Variants in FRMD4A observed in about 807,000 individuals in gnomAD.
FRMD4A encodes FERM domain-containing protein 4A.
Under a neutral mutation model 129.1 loss-of-function variants are expected in FRMD4A, and 29 were observed. That is an observed-to-expected ratio of 0.22 (90% confidence interval 0.17 to 0.31). The LOEUF (loss-of-function observed/expected upper bound fraction) is 0.31, where lower values mean the gene tolerates loss of function less well. Ranked by LOEUF, FRMD4A falls within the 10% of genes least tolerant of loss-of-function variation. The pLI, the probability that FRMD4A is intolerant of heterozygous loss-of-function variation, is 1.00. For missense variants in FRMD4A, 1,272 were observed against 1,375.8 expected, an observed-to-expected ratio of 0.92 and a Z score of 1.19; for synonymous variants, 634 against 571.6, an observed-to-expected ratio of 1.11 and a Z score of -1.56.
At chr10:14,123,422 C>T (rs1333460361) in intron 2 of FRMD4A, among the ~76,000 whole-genome samples, 1 of 152,148 alleles carries the variant, frequency 6.6e-6, no homozygotes, top group Non-Finnish European at 1.5e-5. Context: ...GCCAGCTGGG[C>T]AAGAGATAGC....
chr10:13,907,895 G>T (rs1253592974), intron 2 of FRMD4A, among the ~76,000 whole-genome samples: 1 of 150,014 alleles, frequency 6.7e-6, no homozygotes, highest in Non-Finnish European at 1.5e-5. Flanking sequence ...GCCGGGTGCA[G>T]TGGCTCACAC....
intron 2 of FRMD4A, among the ~76,000 whole-genome samples, chr10:14,028,819 T>C (rs1292552827): frequency 6.6e-6 from 1 of 152,242 alleles, no homozygotes; most frequent in Admixed American, 6.5e-5. Context: ...AGGGCAGTGA[T>C]GGATCCTAGG....
intron 2 of FRMD4A, among the ~76,000 whole-genome samples, chr10:14,094,506 C>G (rs980951707): frequency 6.6e-6 from 1 of 152,160 alleles, no homozygotes; most frequent in Admixed American, 6.5e-5. Flanking sequence ...TCCTTTCAAA[C>G]GCAGAGCAGC....
At chr10:13,881,993 GTGTGTGTGTGTGTGTGTGTGTGT>G (rs778765819) in intron 2 of FRMD4A, among the ~76,000 whole-genome samples, 42,735 of 146,004 alleles carry the variant, frequency 0.29, 7,063 homozygotes, top group Non-Finnish European at 0.36. Flanking sequence ...AGGCAAGGGT[GTGTGTGTGTGTGTGTGTGTGTGT>G]GTGTGTGTGT....
At chr10:13,709,056 G>A (rs2087753978) in intron 12 of FRMD4A, among the ~76,000 whole-genome samples, 1 of 152,062 alleles carries the variant, frequency 6.6e-6, no homozygotes, top group Non-Finnish European at 1.5e-5. Context: ...TCTGCCTCTC[G>A]GGTTCAAGCG....
intron 2 of FRMD4A, among the ~76,000 whole-genome samples, chr10:14,199,207 T>A (rs1047771773): frequency 2.0e-5 from 3 of 152,022 alleles, no homozygotes; most frequent in African/African-American, 7.2e-5. Context: ...TTTCTGGCTA[T>A]CATTTTAATG....
At chr10:13,787,768 CAGTTTTTGGCTGGGCAT>C (rs1046168294) in intron 5 of FRMD4A, among the ~76,000 whole-genome samples, 28 of 149,832 alleles carry the variant, frequency 1.9e-4, no homozygotes, top group African/African-American at 6.1e-4. Context: ...TTTTTTAATC[CAGTTTTTGGCTGGGCAT>C]AGTTTTTGGC....
chr10:13,786,521 G>A lies in FRMD4A; in HGVS notation c.300-3515C>T, dbSNP rs185553199. Among the ~76,000 whole-genome samples, 932 of 152,192 alleles carry A rather than the reference G, an allele frequency of 6.1e-3. 12 individuals carry two copies. Among genetic ancestry groups the A allele is most frequent in the African/African-American group, 0.022 (899 of 41,532 alleles). ...CTTGGGAGGCTGAGGCAGGAGAATC[G>A]CTTGAACCTGGGAGGCGGAGGTTGC... On this transcript the variant is annotated intron_variant, in intron 5 of 24. Coordinates refer to ENST00000357447, the MANE Select transcript of FRMD4A (RefSeq NM_018027.5).
At chr10:14,222,504 A>G (rs2131974147) in intron 2 of FRMD4A, among the ~76,000 whole-genome samples, 1 of 152,330 alleles carries the variant, frequency 6.6e-6, no homozygotes, top group Admixed American at 6.5e-5. Context: ...AGAGAGAGAG[A>G]GAAATAGAGA....
chr10:13,901,034 C>A (rs78426886), intron 2 of FRMD4A, among the ~76,000 whole-genome samples: 3,350 of 152,284 alleles, frequency 0.022, 75 homozygotes, highest in East Asian at 0.075. Flanking sequence ...CTATTGTTAA[C>A]CCCATTTATA....
chr10:14,319,365 T>TCACA (rs1371783310), intron 2 of FRMD4A, among the ~76,000 whole-genome samples: 1 of 141,008 alleles, frequency 7.1e-6, no homozygotes, highest in African/African-American at 3.1e-5. Context: ...TCTCTCTCTC[T>TCACA]CTCACACACA....
rs2081022649 is a variant in FRMD4A at position 13,644,864 on chromosome 10, A to C, written c.*2174T>G. 6.6e-6 allele frequency: 1 copy of C among 152,220 alleles called. No individual in the cohort carries two copies. The highest frequency in any genetic ancestry group is 2.4e-5 in the African/African-American group (1 of 41,450). The allele number at this position is 152,220 out of a possible 1,614,324, so 9.4% of individuals were successfully genotyped here. A position where few individuals can be genotyped will look rare whatever the true frequency, so the allele number is the denominator to read the frequency against. On this transcript the variant is annotated 3_prime_UTR_variant, in exon 25 of 25. Transcript: ENST00000357447. ...AGTAAAAGCAACAAAAATATCCCCC[A>C]GTGAATCCCTAGAATCATTTAATAA...
At chr10:14,139,334 G>A (rs574826463) in intron 2 of FRMD4A, among the ~76,000 whole-genome samples, 6 of 152,248 alleles carry the variant, frequency 3.9e-5, no homozygotes, top group East Asian at 3.9e-4. Flanking sequence ...TAAATGGTCC[G>A]TGCTAAAGGT....
intron 2 of FRMD4A, among the ~76,000 whole-genome samples, chr10:13,988,034 C>T (rs958493319): frequency 4.6e-5 from 7 of 152,094 alleles, no homozygotes; most frequent in African/African-American, 1.7e-4. Flanking sequence ...TTGATATACG[C>T]TAGAAAATAA....
At chr10:13,955,843 G>C (rs2095407112) in intron 2 of FRMD4A, among the ~76,000 whole-genome samples, 1 of 152,236 alleles carries the variant, frequency 6.6e-6, no homozygotes, top group Non-Finnish European at 1.5e-5. Flanking sequence ...AGTCAATGCT[G>C]AGAGAAAGGG....
intron 2 of FRMD4A, among the ~76,000 whole-genome samples, chr10:13,975,261 A>G (rs1256509156): frequency 6.4e-5 from 9 of 141,624 alleles, no homozygotes; most frequent in Admixed American, 6.3e-4. Context: ...GCCTCTATGT[A>G]TGTGTCTGTG....
intron 2 of FRMD4A, among the ~76,000 whole-genome samples, chr10:14,284,996 G>T (rs1341819098): frequency 6.6e-6 from 1 of 152,166 alleles, no homozygotes; most frequent in Non-Finnish European, 1.5e-5. Context: ...CCAACACAGA[G>T]CCTGATACGA....
intron 2 of FRMD4A, among the ~76,000 whole-genome samples, chr10:14,016,213 C>T (rs2095698673): frequency 6.6e-6 from 1 of 152,174 alleles, no homozygotes; most frequent in South Asian, 2.1e-4. Flanking sequence ...TGCATGGGAA[C>T]TTCACGTGCT....
chr10:14,219,062 AG>A (rs1404396557), intron 2 of FRMD4A, among the ~76,000 whole-genome samples: 2 of 150,864 alleles, frequency 1.3e-5, no homozygotes, highest in Admixed American at 6.6e-5. Flanking sequence ...CTAGGAACAT[AG>A]GAAGTAAGAG....
Sources: allele counts gnomAD v4.1 joint callset (sites outside exome capture counted in the v4.1 genomes callset), GRCh38; gene constraint gnomAD v4.1.1; transcripts MANE v1.5; gene names NCBI Gene and HGNC (gene_info 2026-07-23, HGNC 2026-07-21).